ANO3: variants seen among roughly 807,000 people sequenced by gnomAD.
ANO3 encodes the protein anoctamin-3.
ANO3 carries 99 observed loss-of-function variants against 144.8 expected under a neutral mutation model. The observed-to-expected ratio is 0.68, with a 90% CI of 0.58 to 0.81. ANO3 has a LOEUF of 0.81. ANO3 is among the 30% of genes least tolerant of loss of function. The pLI is 0.00. For synonymous variants in ANO3, 414 were observed against 392.6 expected, an observed-to-expected ratio of 1.05 and a Z score of -0.64; for missense variants, 905 against 1,202.2, an observed-to-expected ratio of 0.75 and a Z score of 3.66.
intron 1 of ANO3, among the ~76,000 whole-genome samples, chr11:26,279,040 G>A (rs369190763): frequency 1.3e-5 from 2 of 152,120 alleles, no homozygotes. Context: ...GTCCTGAAAA[G>A]AGGCAATTTT....
chr11:26,653,126 A>T (rs544017559), intron 24 of ANO3, among the ~76,000 whole-genome samples: 1 of 152,222 alleles, frequency 6.6e-6, no homozygotes, highest in South Asian at 2.1e-4. Context: ...AGTTTCATGG[A>T]TCGATCTACG....
chr11:26,575,706 C>G (rs1424315435), intron 14 of ANO3, among the ~76,000 whole-genome samples: 1 of 152,080 alleles, frequency 6.6e-6, no homozygotes, highest in African/African-American at 2.4e-5. Context: ...ATTTTCAAAA[C>G]CACTGACATT....
chr11:26,218,265 A>G (rs545745441), intron 1 of ANO3, among the ~76,000 whole-genome samples: 1 of 152,242 alleles, frequency 6.6e-6, no homozygotes, highest in East Asian at 1.9e-4. Flanking sequence ...GAATGACCAG[A>G]GAAATGACAT....
intron 1 of ANO3, among the ~76,000 whole-genome samples, chr11:26,251,675 A>G (rs935883932): frequency 6.6e-6 from 1 of 152,164 alleles, no homozygotes; most frequent in Admixed American, 6.5e-5. Context: ...GGGTTAATTG[A>G]CTCACAGTTC....
chr11:26,330,044 A>G (rs555099521), upstream of ANO3, among the ~76,000 whole-genome samples: 8 of 152,306 alleles, frequency 5.3e-5, no homozygotes, highest in Non-Finnish European at 1.0e-4. Flanking sequence ...TTTCAAAAAT[A>G]TTTCTGATTC....
intron 1 of ANO3, among the ~76,000 whole-genome samples, chr11:26,278,415 A>C (rs922065876): frequency 1.3e-5 from 2 of 152,178 alleles, no homozygotes; most frequent in African/African-American, 4.8e-5. Flanking sequence ...GAGAATACAA[A>C]GTAATGACTC....
intron 14 of ANO3, among the ~76,000 whole-genome samples, chr11:26,586,349 G>A: frequency 9.7e-6 from 1 of 102,572 alleles, no homozygotes; most frequent in East Asian, 3.1e-4. Flanking sequence ...TAATGCTCCT[G>A]TATTCTTTTT....
At chr11:26,534,685 A>G (rs1849460084) in intron 9 of ANO3, 123 bp downstream of exon 9, 1 of 603,838 alleles carries the variant, frequency 1.7e-6, no homozygotes, top group Non-Finnish European at 2.9e-6. Flanking sequence ...AACATATTGA[A>G]CACACACTCT....
At chr11:26,208,051 C>A (rs958453730) in intron 1 of ANO3, 3 of 152,182 alleles carry the variant, frequency 2.0e-5, no homozygotes, top group Middle Eastern at 3.4e-3. Flanking sequence ...CATAGATGAC[C>A]CTTCTTGCTG....
At chr11:26,314,624 A>T (rs1225833001) in intron 1 of ANO3, among the ~76,000 whole-genome samples, 12 of 152,048 alleles carry the variant, frequency 7.9e-5, no homozygotes, top group Admixed American at 7.9e-4. Context: ...TCTGTATATT[A>T]GTTTCTAGAA....
chr11:26,544,968 G>A lies in ANO3; in HGVS notation c.1155-2448G>A, dbSNP rs558214432. 5.9e-5 allele frequency among the ~76,000 whole-genome samples: 9 copies of A among 152,006 alleles called. No homozygotes were observed. The East Asian group carries it at 1.6e-3, about 26-fold the overall frequency. On this transcript the variant is annotated intron_variant, in intron 11 of 26. Transcript: ENST00000256737. ...GAAAGTTTATGAAAGAGTATAGATG[G>A]CATTTGAACATGTTTTTACCCCTTA...
chr11:26,352,643 T>C (rs1232820245), intron 1 of ANO3, among the ~76,000 whole-genome samples: 1 of 152,202 alleles, frequency 6.6e-6, no homozygotes, highest in East Asian at 1.9e-4. Context: ...ATGTGACTTT[T>C]CCTTCTTTCA....
At chr11:26,522,233 G>A (rs1862112747) in intron 6 of ANO3, among the ~76,000 whole-genome samples, 1 of 151,802 alleles carries the variant, frequency 6.6e-6, no homozygotes, top group Admixed American at 6.6e-5. Context: ...AACATTAAGA[G>A]CAATCATTTT....
rs561333608 is a variant in ANO3 at position 26,457,165 on chromosome 11, G to T, written c.314-5865G>T. ...GGGTGCAGCGCACCAGCATGGCACA[G>T]GTATACATGTGTAACTTACCTGCAC... On this transcript the variant is annotated intron_variant, in intron 3 of 26. Coordinates refer to ENST00000256737, the MANE Select transcript of ANO3 (RefSeq NM_031418.4). 1.7e-4 allele frequency among the ~76,000 whole-genome samples: 26 copies of T among 150,936 alleles called. 1 individual carries two copies. In the South Asian group the frequency reaches 5.5e-3, roughly 32 times the overall value.
chr11:26,205,565 A>G (rs745935213), intron 1 of ANO3, among the ~76,000 whole-genome samples: 5 of 152,200 alleles, frequency 3.3e-5, no homozygotes, highest in Non-Finnish European at 7.3e-5. Flanking sequence ...ATTTTGATGT[A>G]TGGTCAGCTT....
chr11:26,386,911 A>T (rs1371325061), intron 1 of ANO3, among the ~76,000 whole-genome samples: 2 of 152,106 alleles, frequency 1.3e-5, no homozygotes, highest in East Asian at 3.9e-4. Flanking sequence ...GGCATGTTGA[A>T]TGTGTTTACG....
chr11:26,353,857 C>G (rs1227073288), intron 1 of ANO3, among the ~76,000 whole-genome samples: 4 of 152,212 alleles, frequency 2.6e-5, no homozygotes, highest in Non-Finnish European at 4.4e-5. Context: ...CATGAGCCAC[C>G]GCGCCGGGCC....
At chr11:26,383,824 T>C (rs138243072) in intron 1 of ANO3, among the ~76,000 whole-genome samples, 1,534 of 150,846 alleles carry the variant, frequency 0.01, 17 homozygotes, top group Non-Finnish European at 0.016. Flanking sequence ...CAAAAAATAA[T>C]GATAGGAAAC....
chr11:26,274,027 G>A (rs758387031), intron 1 of ANO3, among the ~76,000 whole-genome samples: 19 of 150,858 alleles, frequency 1.3e-4, no homozygotes, highest in Middle Eastern at 6.8e-3. Context: ...GAAACCATCC[G>A]GGACATGGCA....
Sources: allele counts gnomAD v4.1 joint callset (sites outside exome capture counted in the v4.1 genomes callset), GRCh38; gene constraint gnomAD v4.1.1; transcripts MANE v1.5; gene names NCBI Gene and HGNC (gene_info 2026-07-23, HGNC 2026-07-21).